Variants in SLC25A12 observed in about 807,000 individuals in gnomAD.
SLC25A12 encodes electrogenic aspartate/glutamate antiporter SLC25A12, mitochondrial.
A neutral mutation model predicts 83.3 loss-of-function variants in SLC25A12; 32 were observed. The observed-to-expected ratio is 0.38, with a 90% CI of 0.29 to 0.52. The LOEUF (loss-of-function observed/expected upper bound fraction) is 0.52. Ranked by LOEUF, SLC25A12 falls within the 20% of genes least tolerant of loss-of-function variation. The probability of loss-of-function intolerance (pLI) is 0.84; values close to 1 mark genes in which losing one functional copy is unlikely to be tolerated. For missense variants in SLC25A12, 611 were observed against 835.6 expected, an observed-to-expected ratio of 0.73 and a Z score of 3.31; for synonymous variants, 267 against 291.1, an observed-to-expected ratio of 0.92 and a Z score of 0.84.
At chr2:171,803,264 T>A (rs946669162) in intron 13 of SLC25A12, among the ~76,000 whole-genome samples, 1 of 152,004 alleles carries the variant, frequency 6.6e-6, no homozygotes, top group Non-Finnish European at 1.5e-5. Context: ...AAGGCATACA[T>A]CTTTCATGAT....
At chr2:171,859,793 C>T (rs1416499224) in intron 3 of SLC25A12, among the ~76,000 whole-genome samples, 1 of 151,584 alleles carries the variant, frequency 6.6e-6, no homozygotes, top group Non-Finnish European at 1.5e-5. Context: ...CGGAGTTTTG[C>T]TCTTGTTGCC....
intron 3 of SLC25A12, among the ~76,000 whole-genome samples, chr2:171,867,327 C>A (rs930205808): frequency 3.3e-5 from 5 of 151,678 alleles, no homozygotes; most frequent in African/African-American, 7.3e-5. Context: ...CACCACTGCA[C>A]TCCAGCCTGG....
At chr2:171,832,701 T>C (rs1684468535) in intron 8 of SLC25A12, among the ~76,000 whole-genome samples, 1 of 152,150 alleles carries the variant, frequency 6.6e-6, no homozygotes, top group Non-Finnish European at 1.5e-5. Flanking sequence ...CCCTATCCTA[T>C]TACCAATGCT....
intron 2 of SLC25A12, 24 bp downstream of exon 2, chr2:171,893,181 G>A (rs1175138300): frequency 6.2e-7 from 1 of 1,608,312 alleles, no homozygotes; most frequent in South Asian, 1.1e-5. Context: ...TGCAATGAAA[G>A]GCACACTATG....
At chr2:171,863,824 T>A (rs547803926) in intron 3 of SLC25A12, among the ~76,000 whole-genome samples, 1 of 152,318 alleles carries the variant, frequency 6.6e-6, no homozygotes, top group South Asian at 2.1e-4. Context: ...GTCTAATCAT[T>A]ATTGAAAGAT....
intron 9 of SLC25A12, among the ~76,000 whole-genome samples, chr2:171,823,348 G>C (rs981426395): frequency 1.3e-5 from 2 of 152,084 alleles, no homozygotes; most frequent in Non-Finnish European, 2.9e-5. Flanking sequence ...GAGCTTGAAG[G>C]CTTCTCAGAA....
chr2:171,789,785 T>G (rs1269124028), intron 15 of SLC25A12, among the ~76,000 whole-genome samples: 1 of 152,008 alleles, frequency 6.6e-6, no homozygotes, highest in Non-Finnish European at 1.5e-5. Context: ...TCCCAACTAC[T>G]TGGGAGGCTG....
intron 2 of SLC25A12, among the ~76,000 whole-genome samples, chr2:171,887,112 G>A (rs1018929513): frequency 2.0e-5 from 3 of 152,094 alleles, no homozygotes; most frequent in Non-Finnish European, 4.4e-5. Context: ...CCAGGCTACT[G>A]TCAAAAATAA....
At chr2:171,882,391 A>C (rs560819590) in intron 2 of SLC25A12, among the ~76,000 whole-genome samples, 17 of 152,310 alleles carry the variant, frequency 1.1e-4, no homozygotes, top group African/African-American at 4.1e-4. Context: ...GGTATTAGGG[A>C]GGACAATAAT....
At chr2:171,879,978 TTGA>T (rs1685655900) in intron 2 of SLC25A12, among the ~76,000 whole-genome samples, 1 of 152,254 alleles carries the variant, frequency 6.6e-6, no homozygotes, top group East Asian at 1.9e-4. Flanking sequence ...TCAAAAGAAA[TTGA>T]TGATAAGACT....
intron 3 of SLC25A12, among the ~76,000 whole-genome samples, chr2:171,865,865 G>T (rs533179757): frequency 9.9e-4 from 150 of 151,098 alleles, no homozygotes; most frequent in Middle Eastern, 3.4e-3. Context: ...TTTTTTAATT[G>T]ATCATTCTTG....
At chr2:171,889,056 T>C (rs1371170224) in intron 2 of SLC25A12, among the ~76,000 whole-genome samples, 1 of 152,204 alleles carries the variant, frequency 6.6e-6, no homozygotes, top group Non-Finnish European at 1.5e-5. Flanking sequence ...CTTTAAACTT[T>C]CATGGGACCA....
At chr2:171,881,647 A>AT (rs1185175995) in intron 2 of SLC25A12, among the ~76,000 whole-genome samples, 1 of 152,086 alleles carries the variant, frequency 6.6e-6, no homozygotes, top group Non-Finnish European at 1.5e-5. Flanking sequence ...AGAATGTTCT[A>AT]TTTTTTTAAA....
chr2:171,837,847 T>A (rs1160910350), intron 5 of SLC25A12, among the ~76,000 whole-genome samples: 1 of 152,186 alleles, frequency 6.6e-6, no homozygotes, highest in Non-Finnish European at 1.5e-5. Flanking sequence ...AAGTCAGGAA[T>A]AACAAACTGC....
At chr2:171,826,036 CTAAT>C (rs1221164569) in intron 9 of SLC25A12, among the ~76,000 whole-genome samples, 1 of 152,110 alleles carries the variant, frequency 6.6e-6, no homozygotes, top group East Asian at 1.9e-4. Context: ...TCTGGTTTCA[CTAAT>C]TACTTTTTTT....
intron 2 of SLC25A12, among the ~76,000 whole-genome samples, chr2:171,882,015 A>T (rs1195009659): frequency 6.6e-6 from 1 of 152,222 alleles, no homozygotes; most frequent in Admixed American, 6.5e-5. Flanking sequence ...GTATTTTTGC[A>T]GATAGTATGA....
intron 14 of SLC25A12, among the ~76,000 whole-genome samples, chr2:171,793,209 T>G (rs759088896): frequency 6.6e-6 from 1 of 152,016 alleles, no homozygotes; most frequent in Non-Finnish European, 1.5e-5. Context: ...ACTCTACTAC[T>G]GTTTTACTGT....
chr2:171,887,949 A>G (rs748090313), intron 2 of SLC25A12, among the ~76,000 whole-genome samples: 2 of 152,182 alleles, frequency 1.3e-5, no homozygotes, highest in Non-Finnish European at 2.9e-5. Context: ...ACACCACAGG[A>G]AAAATGAACC....
intron 1 of SLC25A12, 39 bp downstream of exon 1, chr2:171,894,164 T>A (rs1686002083): frequency 6.2e-7 from 1 of 1,601,044 alleles, no homozygotes; most frequent in Admixed American, 1.7e-5. Flanking sequence ...TCGGAATGTC[T>A]CTTATGCAAT....
Sources: allele counts gnomAD v4.1 joint callset (sites outside exome capture counted in the v4.1 genomes callset), GRCh38; gene constraint gnomAD v4.1.1; transcripts MANE v1.5; gene names NCBI Gene and HGNC (gene_info 2026-07-23, HGNC 2026-07-21).